TBCEL: variants seen among roughly 807,000 people sequenced by gnomAD.
TBCEL encodes the protein tubulin folding cofactor E like.
In TBCEL, 15 loss-of-function variants were observed where a neutral mutation model predicts 44.2. The ratio of observed to expected loss-of-function variants is 0.34; its 90% confidence interval spans 0.23 to 0.52. TBCEL has a LOEUF of 0.52. TBCEL is among the 20% of genes least tolerant of loss of function. TBCEL has a pLI of 0.95. For synonymous variants in TBCEL, 171 were observed against 185.4 expected, an observed-to-expected ratio of 0.92 and a Z score of 0.63; for missense variants, 319 against 506.3, an observed-to-expected ratio of 0.63 and a Z score of 3.55.
chr11:121,071,638 A>G (rs1945935946), intron 8 of TBCEL, among the ~76,000 whole-genome samples: 2 of 152,202 alleles, frequency 1.3e-5, no homozygotes, highest in South Asian at 2.1e-4. Flanking sequence ...CAAGGATTAC[A>G]TTAGGAATTC....
chr11:121,031,509 C>A (rs1945142659), intron 1 of TBCEL, among the ~76,000 whole-genome samples: 1 of 151,826 alleles, frequency 6.6e-6, no homozygotes, highest in South Asian at 2.1e-4. Flanking sequence ...GTCTTTTGTC[C>A]ATTTTCCTAT....
chr11:121,079,204 G>A (rs1212676292), intron 8 of TBCEL, among the ~76,000 whole-genome samples: 2 of 152,150 alleles, frequency 1.3e-5, no homozygotes, highest in Non-Finnish European at 2.9e-5. Flanking sequence ...AAGACAAGTG[G>A]GAAACATCTA....
intron 2 of TBCEL, among the ~76,000 whole-genome samples, chr11:121,040,948 A>G (rs1177843358): frequency 6.6e-6 from 1 of 152,202 alleles, no homozygotes; most frequent in Non-Finnish European, 1.5e-5. Context: ...GTCTATGCAT[A>G]TACAAGCAGA....
At chr11:121,038,841 G>A (rs761080028) in intron 2 of TBCEL, among the ~76,000 whole-genome samples, 4 of 152,016 alleles carry the variant, frequency 2.6e-5, no homozygotes, top group African/African-American at 4.8e-5. Flanking sequence ...CCTCTCAAAG[G>A]TATGATTGCT....
At chr11:121,074,541 G>A (rs1253136648) in intron 8 of TBCEL, among the ~76,000 whole-genome samples, 1 of 151,542 alleles carries the variant, frequency 6.6e-6, no homozygotes, top group Non-Finnish European at 1.5e-5. Context: ...TTCTTAATCA[G>A]CCCTGCTAAT....
chr11:121,080,953 G>A (rs1257064628), intron 8 of TBCEL, among the ~76,000 whole-genome samples: 1 of 152,210 alleles, frequency 6.6e-6, no homozygotes, highest in Non-Finnish European at 1.5e-5. Flanking sequence ...TGCACTGGGA[G>A]TAGAGCTAGC....
chr11:121,065,091 G>C (rs528507992), intron 8 of TBCEL, among the ~76,000 whole-genome samples: 1 of 152,276 alleles, frequency 6.6e-6, no homozygotes, highest in Admixed American at 6.5e-5. Context: ...CTCCCAAAGT[G>C]CTGGGATTAT....
Position 121,047,654 on chromosome 11 carries a change from A to G in TBCEL, c.260A>G (p.Glu87Gly). Residue 87 changes from glutamate to glycine, a missense_variant, in exon 4 of 9, where the codon GAA becomes GGA. Physicochemically the swap from Glu to Gly is moderately conservative, Grantham distance 98. Transcript: ENST00000683345. ...SELDLSDNKLEDWHEVSKIVS... is the reference protein window; with the variant it reads ...SELDLSDNKLGDWHEVSKIVS... ...CTAGATCTTTCTGACAACAAACTCG[A>G]AGACTGGCATGAGGTGAAGTTTTTA... 2 of 1,612,390 alleles carry G rather than the reference A, an allele frequency of 1.2e-6. No individual in the cohort carries two copies. Among genetic ancestry groups the G allele is most frequent in the Non-Finnish European group, 1.7e-6 (2 of 1,178,998 alleles).
At chr11:121,079,334 T>C (rs1320754988) in intron 8 of TBCEL, among the ~76,000 whole-genome samples, 1 of 152,160 alleles carries the variant, frequency 6.6e-6, no homozygotes, top group Non-Finnish European at 1.5e-5. Flanking sequence ...ATGAGAACCC[T>C]TGAAGAGAGA....
intron 8 of TBCEL, among the ~76,000 whole-genome samples, chr11:121,069,467 A>G (rs1357675939): frequency 6.6e-6 from 1 of 152,138 alleles, no homozygotes; most frequent in Non-Finnish European, 1.5e-5. Flanking sequence ...TGTGCAGTGA[A>G]CTACAACAAT....
intron 8 of TBCEL, among the ~76,000 whole-genome samples, chr11:121,080,424 G>A (rs780511770): frequency 1.3e-5 from 2 of 152,084 alleles, no homozygotes; most frequent in Admixed American, 6.5e-5. Flanking sequence ...TCCCATTGTT[G>A]CGTAGCCACC....
intron 4 of TBCEL, among the ~76,000 whole-genome samples, chr11:121,048,610 TC>T (rs1327122970): frequency 1.3e-5 from 2 of 151,862 alleles, no homozygotes; most frequent in African/African-American, 4.8e-5. Context: ...TAAGCTGTCT[TC>T]CGTAGTGCTA....
chr11:121,060,991 G>A (rs1453243978), intron 8 of TBCEL, among the ~76,000 whole-genome samples: 1 of 151,902 alleles, frequency 6.6e-6, no homozygotes, highest in Non-Finnish European at 1.5e-5. Context: ...TAGATTTTAA[G>A]GGGGTTAACA....
chr11:121,031,436 A>C (rs1945141439), intron 1 of TBCEL, among the ~76,000 whole-genome samples: 1 of 152,144 alleles, frequency 6.6e-6, no homozygotes, highest in Non-Finnish European at 1.5e-5. Context: ...AAATTATTGA[A>C]CGTGAGCATC....
intron 4 of TBCEL, among the ~76,000 whole-genome samples, chr11:121,052,045 A>G (rs1457584851): frequency 1.3e-5 from 2 of 151,820 alleles, no homozygotes; most frequent in African/African-American, 2.4e-5. Context: ...TGTCCCACCT[A>G]TGAAGCTTCT....
intron 4 of TBCEL, among the ~76,000 whole-genome samples, chr11:121,050,454 G>A (rs1229845125): frequency 6.6e-6 from 1 of 151,736 alleles, no homozygotes; most frequent in Non-Finnish European, 1.5e-5. Flanking sequence ...AAATATGGAT[G>A]AGAGAAGTAA....
intron 8 of TBCEL, among the ~76,000 whole-genome samples, chr11:121,084,088 A>T (rs768379531): frequency 6.6e-6 from 1 of 152,320 alleles, no homozygotes; most frequent in East Asian, 1.9e-4. Context: ...GCGTTAATCT[A>T]TTCATGAAGG....
At chr11:121,039,545 A>T (rs1311016560) in intron 2 of TBCEL, among the ~76,000 whole-genome samples, 8 of 152,248 alleles carry the variant, frequency 5.3e-5, no homozygotes, top group Admixed American at 5.2e-4. Context: ...AATGAAACTA[A>T]GCTCTATGAA....
chr11:121,031,792 G>A (rs1945150751), intron 1 of TBCEL, among the ~76,000 whole-genome samples: 2 of 149,092 alleles, frequency 1.3e-5, no homozygotes, highest in East Asian at 4.0e-4. Context: ...AACCTCCCAA[G>A]TATCTGGGAC....
Sources: allele counts gnomAD v4.1 joint callset (sites outside exome capture counted in the v4.1 genomes callset), GRCh38; gene constraint gnomAD v4.1.1; transcripts MANE v1.5; gene names NCBI Gene and HGNC (gene_info 2026-07-23, HGNC 2026-07-21).